The following ESR1 variants were observed in gnomAD, a reference collection of about 807,000 sequenced individuals.
ESR1 encodes the protein estrogen receptor.
In ESR1, 12 loss-of-function variants were observed where a neutral mutation model predicts 52.7. That is an observed-to-expected ratio of 0.23 (90% CI 0.15 to 0.37). The LOEUF (loss-of-function observed/expected upper bound fraction) is 0.37, where lower values mean the gene tolerates loss of function less well. Among genes scored for constraint, ESR1 ranks in the 10% least tolerant of loss-of-function variants. The pLI is 1.00. For synonymous variants in ESR1, 305 were observed against 316.8 expected, an observed-to-expected ratio of 0.96 and a Z score of 0.39; for missense variants, 584 against 779.7, an observed-to-expected ratio of 0.75 and a Z score of 2.99.
Position 152,011,766 on chromosome 6 carries a change from C to G in ESR1, c.1207C>G (p.Leu403Val), listed in dbSNP as rs2128779204. The G allele has an allele frequency of 1.2e-6, 2 of 1,613,178 alleles. No individual in the cohort carries two copies. Among genetic ancestry groups the G allele is most frequent in the Non-Finnish European group, 1.7e-6 (2 of 1,179,490 alleles). Residue 403 changes from leucine (L) to valine (V), a missense_variant, in exon 5 of 8, where the codon CTG (leucine) becomes GTG (valine). Coordinates refer to ENST00000206249, the MANE Select transcript of ESR1 (RefSeq NM_000125.4). ...CTCCATGGAGCACCCAGGGAAGCTA[C>G]TGTTTGCTCCTAACTTGCTCTTGGA... is the stretch of plus-strand genomic sequence containing the variant. The part of the protein sequence containing the change: ...WRSMEHPGKL[L>V]FAPNLLLDRN...
At chr6:151,842,420 G>T (rs904069062) in intron 1 of ESR1, among the ~76,000 whole-genome samples, 177 bp from the exon 2 acceptor site, 5 of 152,160 alleles carry the variant, frequency 3.3e-5, no homozygotes, top group East Asian at 1.9e-4. Context: ...TCCCCTCAAG[G>T]TTAATATAAT....
At chr6:151,719,362 G>A (rs1336983273) in intron 2 of ESR1, among the ~76,000 whole-genome samples, 1 of 152,160 alleles carries the variant, frequency 6.6e-6, no homozygotes, top group African/African-American at 2.4e-5. Flanking sequence ...GGGTGCAAGA[G>A]TACTGTCAAG....
chr6:151,739,769 T>C (rs1025221661), intron 2 of ESR1, among the ~76,000 whole-genome samples: 4 of 152,254 alleles, frequency 2.6e-5, no homozygotes, highest in Non-Finnish European at 5.9e-5. Context: ...ACTTCTGTCT[T>C]TACTGATAGC....
At chr6:151,841,285 T>G (rs1386203410) in intron 1 of ESR1, among the ~76,000 whole-genome samples, 1 of 152,250 alleles carries the variant, frequency 6.6e-6, no homozygotes, top group Non-Finnish European at 1.5e-5. Context: ...CTGTATCTTT[T>G]CCTATTCTCC....
intron 4 of ESR1, among the ~76,000 whole-genome samples, chr6:151,956,817 T>A (rs1466773053): frequency 1.3e-5 from 1 of 77,878 alleles, no homozygotes; most frequent in Non-Finnish European, 3.1e-5. Flanking sequence ...TATAAATATA[T>A]ATAAAAATAT....
intron 1 of ESR1, among the ~76,000 whole-genome samples, chr6:151,810,221 C>G (rs1053414994): frequency 1.3e-5 from 2 of 151,860 alleles, no homozygotes; most frequent in African/African-American, 4.8e-5. Context: ...CTTACACTTT[C>G]TGCATTACAT....
rs757435240 is a variant in ESR1 at position 152,061,062 on chromosome 6, G to A, written c.1307G>A (p.Arg436His). Reference protein sequence around the residue: ...DMLLATSSRFRMMNLQGEEFV... With the variant: ...DMLLATSSRFHMMNLQGEEFV... ...CTGCTGGCTACATCATCTCGGTTCC[G>A]CATGATGAATCTGCAGGGAGAGGAG... Residue 436 changes from arginine (R) to histidine (H), a missense_variant, in exon 6 of 8, where the codon CGC becomes CAC. By Grantham distance (29) the Arg-to-His change is conservative. Transcript: ENST00000206249. The surrounding 1 kb of genome is among the most constrained non-coding windows in gnomAD (Gnocchi z 4.3). 10 of 1,613,076 alleles carry A rather than the reference G, an allele frequency of 6.2e-6. No homozygotes were observed. Among genetic ancestry groups the A allele is most frequent in the East Asian group, 4.5e-5 (2 of 44,868 alleles).
intron 5 of ESR1, among the ~76,000 whole-genome samples, chr6:152,042,342 CATTA>C (rs1309794323): frequency 1.3e-5 from 2 of 152,184 alleles, no homozygotes; most frequent in African/African-American, 4.8e-5. Context: ...GCTAAAATTC[CATTA>C]ATTAACTGAT....
chr6:151,874,750 T>C (rs565416556), intron 2 of ESR1, among the ~76,000 whole-genome samples: 2 of 152,324 alleles, frequency 1.3e-5, no homozygotes, highest in African/African-American at 4.8e-5. Context: ...ACTTCATTTA[T>C]AAGGATTTTT....
At chr6:151,822,015 A>G (rs1282757182) in intron 1 of ESR1, among the ~76,000 whole-genome samples, 19 of 152,210 alleles carry the variant, frequency 1.2e-4, no homozygotes, top group African/African-American at 2.4e-5. Context: ...AGATGATTTG[A>G]CACAACTTAT....
intron 2 of ESR1, among the ~76,000 whole-genome samples, chr6:151,750,819 G>T (rs553249684): frequency 6.6e-6 from 1 of 151,942 alleles, no homozygotes; most frequent in African/African-American, 2.4e-5. Flanking sequence ...AAAAAATCAC[G>T]TTCTCACAAA....
chr6:152,003,264 C>A (rs1307833559), intron 4 of ESR1, among the ~76,000 whole-genome samples: 4 of 151,452 alleles, frequency 2.6e-5, no homozygotes, highest in East Asian at 3.9e-4. Context: ...GAGATTAATT[C>A]TTTTCTCCTG....
chr6:151,839,406 G>T (rs1783915062), intron 1 of ESR1, among the ~76,000 whole-genome samples: 1 of 152,168 alleles, frequency 6.6e-6, no homozygotes, highest in South Asian at 2.1e-4. Context: ...AATGTAAAAT[G>T]GTGCAGCCAC....
At chr6:151,657,210 G>A (rs553435835) in intron 1 of ESR1, among the ~76,000 whole-genome samples, 25 of 152,222 alleles carry the variant, frequency 1.6e-4, no homozygotes, top group Admixed American at 3.3e-4. Flanking sequence ...GAAATTTAAT[G>A]TGTGGGAATT....
chr6:152,011,624 G>C (rs2128777755), intron 4 of ESR1, 32 bp from the exon 5 acceptor site: 2 of 1,612,652 alleles, frequency 1.2e-6, no homozygotes, highest in South Asian at 1.1e-5. Flanking sequence ...TTTTTCATTT[G>C]AGTCAGCAGG....
At chr6:151,785,969 G>A (rs1373655298) in intron 2 of ESR1, among the ~76,000 whole-genome samples, 1 of 152,122 alleles carries the variant, frequency 6.6e-6, no homozygotes, top group Non-Finnish European at 1.5e-5. Flanking sequence ...GTGCGGTAAA[G>A]ATCACAGCCA....
intron 3 of ESR1, among the ~76,000 whole-genome samples, chr6:151,893,483 A>G (rs1794998712): frequency 6.6e-6 from 1 of 151,288 alleles, no homozygotes; most frequent in African/African-American, 2.4e-5. Context: ...TATTTTATAT[A>G]TAAAATTTAT....
At chr6:151,942,589 G>C (rs75866022) in intron 3 of ESR1, among the ~76,000 whole-genome samples, 3,793 of 151,098 alleles carry the variant, frequency 0.025, 104 homozygotes, top group East Asian at 0.076. Context: ...GAGCAAATAG[G>C]AAGAGTTCAT....
intron 6 of ESR1, chr6:152,122,721 G>C (rs376243097): frequency 1.4e-4 from 229 of 1,611,420 alleles, no homozygotes; most frequent in Non-Finnish European, 1.8e-4. Flanking sequence ...CTCCAGTGTC[G>C]GAGGGACGCT....
Sources: gnomAD v4.1 joint callset for allele counts (sites outside exome capture counted in the v4.1 genomes callset) on GRCh38, gnomAD v4.1.1 for gene constraint, Gnocchi (gnomAD v3.1) non-coding constraint, MANE v1.5 for transcripts, NCBI Gene and HGNC (gene_info 2026-07-23, HGNC 2026-07-21) for gene names.